Variants in GRIA4 observed in about 807,000 individuals in gnomAD.
The protein encoded by GRIA4 is glutamate receptor 4.
A neutral mutation model predicts 104.0 loss-of-function variants in GRIA4; 34 were observed. The ratio of observed to expected loss-of-function variants is 0.33; its 90% CI spans 0.25 to 0.44. The LOEUF is 0.44. GRIA4 is among the 20% of genes least tolerant of loss of function. GRIA4 has a pLI of 1.00. For missense variants in GRIA4, 750 were observed against 1,096.5 expected (o/e 0.68, Z 4.46); for synonymous variants, 386 against 381.9 (o/e 1.01, Z -0.13).
chr11:105,801,197 T>A (rs917963851), intron 4 of GRIA4, among the ~76,000 whole-genome samples: 4 of 151,566 alleles, frequency 2.6e-5, no homozygotes, highest in African/African-American at 7.2e-5. Context: ...AGAAACTGTA[T>A]TTAAATGTAT....
intron 4 of GRIA4, among the ~76,000 whole-genome samples, chr11:105,801,764 A>G (rs1243340718): frequency 6.6e-6 from 1 of 152,122 alleles, no homozygotes; most frequent in African/African-American, 2.4e-5. Flanking sequence ...TTTTCTAACA[A>G]TAAGTGTTAT....
chr11:105,911,636 C>T (rs1947238209), intron 10 of GRIA4, among the ~76,000 whole-genome samples: 1 of 150,916 alleles, frequency 6.6e-6, no homozygotes, highest in Non-Finnish European at 1.5e-5. Context: ...AACTGTGTTG[C>T]ATCACCAGTC....
chr11:105,689,120 T>C (rs1952996223), intron 3 of GRIA4, among the ~76,000 whole-genome samples: 1 of 152,158 alleles, frequency 6.6e-6, no homozygotes. Context: ...ATTAAGCCAA[T>C]AAATATATTT....
At chr11:105,659,974 T>A (rs1286680296) in intron 3 of GRIA4, among the ~76,000 whole-genome samples, 1 of 151,654 alleles carries the variant, frequency 6.6e-6, no homozygotes, top group Non-Finnish European at 1.5e-5. Flanking sequence ...AATGGTAAAA[T>A]TTTCAAAATA....
chr11:105,776,113 C>G (rs200096137), intron 4 of GRIA4, among the ~76,000 whole-genome samples: 1 of 151,816 alleles, frequency 6.6e-6, no homozygotes, highest in Non-Finnish European at 1.5e-5. Context: ...TTTCCCATTT[C>G]GAAGATAAAG....
intron 4 of GRIA4, among the ~76,000 whole-genome samples, chr11:105,760,080 G>A (rs1000510034): frequency 1.3e-5 from 2 of 152,024 alleles, no homozygotes; most frequent in African/African-American, 4.8e-5. Flanking sequence ...CATTTACGTA[G>A]TAACTATTAA....
At chr11:105,868,904 G>GT (rs1945521387) in intron 5 of GRIA4, among the ~76,000 whole-genome samples, 1 of 152,124 alleles carries the variant, frequency 6.6e-6, no homozygotes, top group Admixed American at 6.6e-5. Flanking sequence ...AAGATGTGAG[G>GT]TTTTGCTAAG....
chr11:105,932,836 T>C (rs1248702577), intron 13 of GRIA4, among the ~76,000 whole-genome samples: 3 of 152,130 alleles, frequency 2.0e-5, no homozygotes, highest in South Asian at 2.1e-4. Context: ...CTATACCAGG[T>C]TTTGCCTCTT....
At chr11:105,948,887 G>A (rs1274996350) in intron 14 of GRIA4, among the ~76,000 whole-genome samples, 1 of 151,842 alleles carries the variant, frequency 6.6e-6, no homozygotes, top group African/African-American at 2.4e-5. Context: ...CACCACGCCT[G>A]GCCAACAGAA....
At chr11:105,918,447 CCA>C in intron 10 of GRIA4, among the ~76,000 whole-genome samples, 1 of 152,110 alleles carries the variant, frequency 6.6e-6, no homozygotes, top group Non-Finnish European at 1.5e-5. Flanking sequence ...ACTTCTCCCA[CCA>C]CAGTCATAGT....
At chr11:105,779,507 G>A (rs955590335) in intron 4 of GRIA4, among the ~76,000 whole-genome samples, 3 of 152,154 alleles carry the variant, frequency 2.0e-5, no homozygotes, top group Admixed American at 6.6e-5. Context: ...GAGAATATGC[G>A]GTGTTTGGTT....
intron 3 of GRIA4, among the ~76,000 whole-genome samples, chr11:105,637,550 A>G (rs1293777226): frequency 1.3e-5 from 2 of 152,192 alleles, no homozygotes; most frequent in African/African-American, 4.8e-5. Context: ...TCAAATAAAT[A>G]CTCTGCCCTC....
intron 3 of GRIA4, among the ~76,000 whole-genome samples, chr11:105,749,740 T>A (rs949371062): frequency 1.3e-5 from 2 of 152,006 alleles, no homozygotes; most frequent in African/African-American, 2.4e-5. Context: ...AAAAATGGAG[T>A]AGTATCATGT....
intron 4 of GRIA4, among the ~76,000 whole-genome samples, chr11:105,770,967 C>G (rs1941182709): frequency 6.6e-6 from 1 of 151,972 alleles, no homozygotes; most frequent in African/African-American, 2.4e-5. Context: ...TATTTTCTTT[C>G]ATAGTCGAAG....
chr11:105,980,041 A>T lies in GRIA4; in HGVS notation c.*302A>T, dbSNP rs1373104747. The T allele has an allele frequency of 7.2e-6, 2 of 278,826 alleles. No individual in the cohort carries two copies. The highest frequency in any genetic ancestry group is 6.9e-6 in the Non-Finnish European group (1 of 143,894). The allele number at this position is 278,826 out of a possible 1,614,324, so 17.3% of individuals were successfully genotyped here. A position where few individuals can be genotyped will look rare whatever the true frequency, so the allele number is the denominator to read the frequency against. ...AACAAATTTCATTCGAGTGGACTCAAAAACTAATCAGACTTATGAGTTAGC... is the reference window on the plus strand; with the variant it reads ...AACAAATTTCATTCGAGTGGACTCATAAACTAATCAGACTTATGAGTTAGC... On this transcript the variant is annotated 3_prime_UTR_variant, in exon 17 of 17. Transcript: ENST00000282499.
At chr11:105,854,713 A>G (rs927659763) in intron 4 of GRIA4, among the ~76,000 whole-genome samples, 1 of 152,128 alleles carries the variant, frequency 6.6e-6, no homozygotes, top group African/African-American at 2.4e-5. Context: ...ACGAGATGTG[A>G]TTGTGAGAGA....
chr11:105,918,546 T>C (rs928589508), intron 10 of GRIA4, among the ~76,000 whole-genome samples, 166 bp from the exon 11 acceptor site: 2 of 152,138 alleles, frequency 1.3e-5, no homozygotes, highest in African/African-American at 4.8e-5. Flanking sequence ...CTTCTAAGCA[T>C]ACTTATATAT....
intron 3 of GRIA4, among the ~76,000 whole-genome samples, chr11:105,635,568 G>C: frequency 6.6e-6 from 1 of 152,198 alleles, no homozygotes; most frequent in Non-Finnish European, 1.5e-5. Context: ...GGGACTCACA[G>C]GGGTGAGTCT....
At chr11:105,881,464 C>T (rs938431420) in intron 5 of GRIA4, among the ~76,000 whole-genome samples, 2 of 152,184 alleles carry the variant, frequency 1.3e-5, no homozygotes, top group African/African-American at 4.8e-5. Context: ...AGACATCAGA[C>T]TGTATGGCTT....
Sources: allele counts gnomAD v4.1 joint callset (sites outside exome capture counted in the v4.1 genomes callset), GRCh38; gene constraint gnomAD v4.1.1; transcripts MANE v1.5; gene names NCBI Gene and HGNC (gene_info 2026-07-23, HGNC 2026-07-21).